Variants in PLXNB2 observed in about 807,000 individuals in gnomAD.
The protein encoded by PLXNB2 is plexin-B2.
A neutral mutation model predicts 202.6 loss-of-function variants in PLXNB2; 85 were observed. That is an observed-to-expected ratio of 0.42 (90% CI 0.35 to 0.50). PLXNB2 has a LOEUF of 0.50. Among genes scored for constraint, PLXNB2 ranks in the 20% least tolerant of loss-of-function variants. PLXNB2 has a pLI of 0.02. For missense variants in PLXNB2, 2,063 were observed against 2,586.2 expected (o/e 0.80, Z 4.39); for synonymous variants, 1,239 against 1,137.6 (o/e 1.09, Z -1.79).
At chr22:50,305,213 G>T (rs955335705) in intron 1 of PLXNB2, among the ~76,000 whole-genome samples, 1 of 152,196 alleles carries the variant, frequency 6.6e-6, no homozygotes, top group African/African-American at 2.4e-5. Flanking sequence ...CGGTGAGCAC[G>T]GACGACGTCC....
rs112567913 is a variant in PLXNB2 at position 50,288,845 on chromosome 22, G to A, written c.1278C>T (p.Ser426=). Residue 426 remains serine, a synonymous_variant, in exon 5 of 37, where the codon TCC becomes TCT. Transcript: ENST00000359337. This position sits in a 1 kb window ranked among gnomAD's most constrained non-coding sequence, Gnocchi z 5.0. ...LKVYLTPDGT[S]SEYDSILVEI... ...CCACAAGGATAGAGTCGTACTCTGAGGAGGTGCCATCTGGGGTGAGGTACA... is the reference window on the plus strand; with the variant it reads ...CCACAAGGATAGAGTCGTACTCTGAAGAGGTGCCATCTGGGGTGAGGTACA... The A allele has an allele frequency of 4.8e-5, 78 of 1,613,450 alleles. 1 individual carries two copies. In the African/African-American group the frequency reaches 5.1e-4, roughly 10 times the overall value.
At position 50,291,004 on chromosome 22, in the gene PLXNB2, C is replaced by T. The variant is rs570243896; in HGVS notation, c.-13-407G>A. Among the ~76,000 whole-genome samples, 32 of 152,246 alleles carry T rather than the reference C, an allele frequency of 2.1e-4. No homozygotes were observed. The highest frequency in any genetic ancestry group is 6.7e-4 in the African/African-American group (28 of 41,534). ...GGTGGTCGGGACGCACCGGCCCCAGCGCACAGGCTCAGGCTGACAGACAGA... is the reference window on the plus strand; with the variant it reads ...GGTGGTCGGGACGCACCGGCCCCAGTGCACAGGCTCAGGCTGACAGACAGA... On this transcript the variant is annotated intron_variant, in intron 2 of 36. Transcript: ENST00000359337. The surrounding 1 kb of genome is among the most constrained non-coding windows in gnomAD (Gnocchi z 4.3).
At position 50,280,860 on chromosome 22, in the gene PLXNB2, C is replaced by T. The variant is rs1000095053; in HGVS notation, c.3877G>A (p.Asp1293Asn). Reference protein sequence around the residue: ...RVFFLPSKDGDKDVMITGKLD... With the variant: ...RVFFLPSKDGNKDVMITGKLD... ...TTGCCGGTGATCATCACGTCCTTGTCGCCGTCCTTGGAGGGCAGGAAGAAG... is the reference window on the plus strand; with the variant it reads ...TTGCCGGTGATCATCACGTCCTTGTTGCCGTCCTTGGAGGGCAGGAAGAAG... The change falls in exon 24 of 37, where the codon GAC (aspartate) becomes AAC (asparagine). Residue 1293 changes from aspartate to asparagine, a missense_variant. Around this residue, in one of 2 missense-constraint regions of PLXNB2, gnomAD observed 760 missense variants for 1,109.4 expected, o/e 0.69. Transcript: ENST00000359337. The T allele has an allele frequency of 1.9e-6, 3 of 1,613,546 alleles. No homozygotes were observed. Among genetic ancestry groups the T allele is most frequent in the Non-Finnish European group, 2.5e-6 (3 of 1,179,982 alleles).
intron 2 of PLXNB2, among the ~76,000 whole-genome samples, chr22:50,294,181 C>A (rs1339402853): frequency 6.6e-6 from 1 of 152,244 alleles, no homozygotes; most frequent in Non-Finnish European, 1.5e-5. Context: ...TGTTTTGAAG[C>A]CCTCCTGGGA....
At position 50,276,879 on chromosome 22, in the gene PLXNB2, C is replaced by T; in HGVS notation, c.5224G>A (p.Ala1742Thr). The change falls in exon 34 of 37, where the codon GCC (alanine) becomes ACC (threonine). Residue 1742 changes from alanine to threonine, a missense_variant. Around this residue, in one of 2 missense-constraint regions of PLXNB2, gnomAD observed 760 missense variants for 1,109.4 expected, o/e 0.69. Coordinates refer to ENST00000359337, the MANE Select transcript of PLXNB2 (RefSeq NM_012401.4). ...TTCTTGTAGGTGGAGATCTCCTTGG[C>T]GTACAGCAGCTTGTTGCTGGGAGAA... Reference protein sequence around the residue: ...RDSPSNKLLYAKEISTYKKMV... With the variant: ...RDSPSNKLLYTKEISTYKKMV... 6.2e-7 allele frequency: 1 copy of T among 1,603,938 alleles called. No individual in the cohort carries two copies. The highest frequency in any genetic ancestry group is 8.5e-7 in the Non-Finnish European group (1 of 1,175,172).
chr22:50,286,338 G>C (rs1163455950), intron 8 of PLXNB2, 51 bp from the exon 9 acceptor site: 2 of 1,302,802 alleles, frequency 1.5e-6, no homozygotes, highest in East Asian at 2.3e-5. Flanking sequence ...AGGGCCGAGG[G>C]CCAGGCTGGG....
At chr22:50,277,477 G>A in intron 33 of PLXNB2, 114 bp downstream of exon 33, 1 of 1,111,308 alleles carries the variant, frequency 9.0e-7, no homozygotes, top group Non-Finnish European at 1.2e-6. Flanking sequence ...CTACATCAAG[G>A]GCTCCAGCCC....
At position 50,280,919 on chromosome 22, in the gene PLXNB2, G is replaced by T; in HGVS notation, c.3818C>A (p.Pro1273His). 1 of 1,613,166 alleles carries T rather than the reference G, an allele frequency of 6.2e-7. No individual in the cohort carries two copies. Among genetic ancestry groups the T allele is most frequent in the East Asian group, 2.2e-5 (1 of 44,868 alleles). ...QTNDVHEAGI[P>H]VLDYKTYTDR... ...GGTGTAGGTCTTGTAGTCCAGCACG[G>T]GGATGCCGGCCTCGTGCACGTCGTT... The change falls in exon 24 of 37, where the codon CCC becomes CAC. Residue 1273 changes from proline (P) to histidine (H), a missense_variant. This residue lies in a region of PLXNB2 where 760 missense variants were observed against 1,109.4 expected (regional missense o/e 0.69). Transcript: ENST00000359337.
At chr22:50,293,455 C>T (rs998044400) in intron 2 of PLXNB2, among the ~76,000 whole-genome samples, 5 of 152,194 alleles carry the variant, frequency 3.3e-5, no homozygotes, top group Admixed American at 2.0e-4. Flanking sequence ...GGGCAGGCAA[C>T]GTCCAGGCCC....
intron 1 of PLXNB2, chr22:50,300,393 C>G (rs912001757): frequency 1.1e-6 from 1 of 902,578 alleles, no homozygotes. Flanking sequence ...TGCCCCCGGT[C>G]GGTCTCAGGG....
chr22:50,279,585 C>T lies in PLXNB2; in HGVS notation c.4389+45G>A, dbSNP rs772304755. On this transcript the variant is annotated intron_variant, in intron 27 of 36. Coordinates refer to ENST00000359337, the MANE Select transcript of PLXNB2 (RefSeq NM_012401.4). ...GCCAGGGGATGCCCAAGCTCCTTAGCCCAGATCCGAGGCGCCCATGGCGGC... is the reference window on the plus strand; with the variant it reads ...GCCAGGGGATGCCCAAGCTCCTTAGTCCAGATCCGAGGCGCCCATGGCGGC... The T allele has an allele frequency of 8.1e-6, 13 of 1,598,446 alleles. No homozygotes were observed. The African/African-American group carries it at 1.6e-4, about 20-fold the overall frequency.
At chr22:50,307,473 G>GGGCCCCAGCGCGGCAGGCCCA (rs2067932443) in intron 1 of PLXNB2, 80 bp downstream of exon 1, 1 of 808,024 alleles carries the variant, frequency 1.2e-6, no homozygotes, top group Admixed American at 6.3e-5. Flanking sequence ...CGGCAGGCCC[G>GGGCCCCAGCGCGGCAGGCCCA]GGCGGAGCGG....
Position 50,278,902 on chromosome 22 carries a change from C to T in PLXNB2, c.4499G>A (p.Arg1500His), listed in dbSNP as rs1470249034. ...GGGCCAGCAGGAGCAGGGCTGCCCACGGTACACCTGGTCAATGATCTTCTC... is the reference window on the plus strand; with the variant it reads ...GGGCCAGCAGGAGCAGGGCTGCCCATGGTACACCTGGTCAATGATCTTCTC... ...VKEKIIDQVY[R>H]GQPCSCWPRP... Residue 1500 changes from arginine (R) to histidine (H), a missense_variant, in exon 28 of 37, where the codon CGT becomes CAT. Coordinates refer to ENST00000359337, the MANE Select transcript of PLXNB2 (RefSeq NM_012401.4). The T allele has an allele frequency of 1.2e-6, 2 of 1,613,550 alleles. No homozygotes were observed. The highest frequency in any genetic ancestry group is 1.7e-6 in the Non-Finnish European group (2 of 1,179,846).
chr22:50,280,774 G>A lies in PLXNB2; in HGVS notation c.3963C>T (p.Asn1321=). ...VVEQALYQFS[N]LLNSKSFLIN... is the part of the protein sequence containing the mutation. ...TGAGGAAAGACTTGCTGTTCAGCAG[G>A]TTGGAGAACTGGTAGAGGGCCTGCT... Residue 1321 remains asparagine (N), a synonymous_variant, in exon 24 of 37, where the codon AAC becomes AAT. Coordinates refer to ENST00000359337, the MANE Select transcript of PLXNB2 (RefSeq NM_012401.4). The A allele has an allele frequency of 6.2e-7, 1 of 1,612,576 alleles. No individual in the cohort carries two copies. The highest frequency in any genetic ancestry group is 8.5e-7 in the Non-Finnish European group (1 of 1,179,648).
At chr22:50,285,035 A>C in intron 11 of PLXNB2, 2 of 409,658 alleles carry the variant, frequency 4.9e-6, no homozygotes, top group Non-Finnish European at 9.6e-6. Flanking sequence ...AGGCCCATCC[A>C]AAGGCCCCCG....
At position 50,284,656 on chromosome 22, in the gene PLXNB2, G is replaced by A; in HGVS notation, c.2098C>T (p.Leu700=). 6.2e-7 allele frequency: 1 copy of A among 1,612,414 alleles called. No individual in the cohort carries two copies. The highest frequency in any genetic ancestry group is 8.5e-7 in the Non-Finnish European group (1 of 1,179,496). ...TTGAGCAAGTCACTGCCCACGTGCA[G>A]GGAGGAACCCTGCAGACCATGCCGT... ...KNLDTVKGSS[L]HVGSDLLKFM... Residue 700 remains leucine (L), a synonymous_variant, in exon 12 of 37, where the codon CTG becomes TTG. Transcript: ENST00000359337. This position sits in a 1 kb window ranked among gnomAD's most constrained non-coding sequence, Gnocchi z 8.0.
chr22:50,298,341 C>G (rs1476712954), intron 1 of PLXNB2, among the ~76,000 whole-genome samples: 1 of 152,220 alleles, frequency 6.6e-6, no homozygotes, highest in African/African-American at 2.4e-5. Context: ...TGGCTGGGCA[C>G]CTGTGGCCCT....
At position 50,281,859 on chromosome 22, in the gene PLXNB2, C is replaced by T. The variant is rs1205890572; in HGVS notation, c.3340G>A (p.Ala1114Thr). 3.1e-6 allele frequency: 5 copies of T among 1,611,716 alleles called. No homozygotes were observed. Among genetic ancestry groups the T allele is most frequent in the Non-Finnish European group, 4.2e-6 (5 of 1,179,580 alleles). ...VKKQVNKLIH[A>T]RGTNLNKAMT... ...CGGGGCTGCACCGTCCTCACCCGGG[C>T]GTGGATGAGCTTGTTGACCTGCTTC... is the stretch of plus-strand genomic sequence containing the variant. Residue 1114 changes from alanine (A) to threonine (T), a missense_variant, in exon 20 of 37, where the codon GCC becomes ACC. By Grantham distance (58) the Ala-to-Thr change is moderately conservative (BLOSUM62 0). This residue lies in a region of PLXNB2 where 760 missense variants were observed against 1,109.4 expected (regional missense o/e 0.69). Transcript: ENST00000359337.
Position 50,289,178 on chromosome 22 carries a change from C to T in PLXNB2, c.1069-36G>A. On this transcript the variant is annotated intron_variant, in intron 3 of 36. Coordinates refer to ENST00000359337, the MANE Select transcript of PLXNB2 (RefSeq NM_012401.4). The surrounding 1 kb of genome is among the most constrained non-coding windows in gnomAD (Gnocchi z 8.0). ...CAGCGTGTCAATGGCAGGCAGACCC[C>T]CTGTCCTGAAGGGCCCTCTCCACTC... 6.6e-7 allele frequency: 1 copy of T among 1,511,866 alleles called. No homozygotes were observed. 93.7% of individuals were successfully genotyped at this position (1,511,866 alleles called of 1,614,324 possible).
Sources: allele counts gnomAD v4.1 joint callset (sites outside exome capture counted in the v4.1 genomes callset), GRCh38; gene constraint gnomAD v4.1.1; regional missense constraint gnomAD v4.1.1; non-coding constraint Gnocchi (gnomAD v3.1); transcripts MANE v1.5; gene names NCBI Gene and HGNC (gene_info 2026-07-23, HGNC 2026-07-21).